Variants in UGT1A10 observed in about 807,000 individuals in gnomAD.
UGT1A10 encodes UDP-glucuronosyltransferase 1A10.
A neutral mutation model predicts 45.8 loss-of-function variants in UGT1A10; 49 were observed. The ratio of observed to expected loss-of-function variants is 1.07; its 90% CI spans 0.85 to 1.36. The LOEUF (loss-of-function observed/expected upper bound fraction) is 1.36. UGT1A10 is among the 40% of genes most tolerant of loss of function. UGT1A10 has a pLI of 0.00. For missense variants in UGT1A10, 745 were observed against 668.6 expected, an observed-to-expected ratio of 1.11 and a Z score of -1.26; for synonymous variants, 284 against 249.7, an observed-to-expected ratio of 1.14 and a Z score of -1.29.
Position 233,768,374 on chromosome 2 carries a change from G to T in UGT1A10, c.1230G>T (p.Leu410=). Residue 410 remains leucine, a synonymous_variant, in exon 4 of 5, where the codon CTG becomes CTT. Transcript: ENST00000344644. ...AGACTAAGGGAGCTGGAGTGACCCT[G>T]AATGTTCTGGAAATGACTTCTGAAG... ...RMETKGAGVT[L]NVLEMTSEDL... 3 of 1,614,148 alleles carry T rather than the reference G, an allele frequency of 1.9e-6. No individual in the cohort carries two copies. The highest frequency in any genetic ancestry group is 2.5e-6 in the Non-Finnish European group (3 of 1,180,028).
At chr2:233,680,794 A>G (rs2074498937) in intron 1 of UGT1A10, among the ~76,000 whole-genome samples, 1 of 152,178 alleles carries the variant, frequency 6.6e-6, no homozygotes, top group Non-Finnish European at 1.5e-5. Flanking sequence ...GGGTGGGCCC[A>G]TAGCAAAGGC....
At chr2:233,651,374 G>C (rs2073736940) in intron 1 of UGT1A10, among the ~76,000 whole-genome samples, 1 of 152,036 alleles carries the variant, frequency 6.6e-6, no homozygotes, top group African/African-American at 2.4e-5. Context: ...TATAAAATAG[G>C]AAACATATTG....
At chr2:233,768,989 C>A (rs947388091) in intron 4 of UGT1A10, among the ~76,000 whole-genome samples, 2 of 152,024 alleles carry the variant, frequency 1.3e-5, no homozygotes, top group African/African-American at 4.8e-5. Context: ...TTATTTCCCC[C>A]ATTAGATTTA....
chr2:233,676,001 T>C (rs766223840), intron 1 of UGT1A10, among the ~76,000 whole-genome samples: 1 of 152,218 alleles, frequency 6.6e-6, no homozygotes, highest in Non-Finnish European at 1.5e-5. Flanking sequence ...TGGAATAGAA[T>C]GGAGAATTCA....
At chr2:233,718,974 C>T (rs1346744859) in intron 1 of UGT1A10, 1 of 1,614,236 alleles carries the variant, frequency 6.2e-7, no homozygotes, top group South Asian at 1.1e-5. Flanking sequence ...GCGGGAGCTC[C>T]ATGCCAGAGG....
chr2:233,642,841 C>T (rs972607686), intron 1 of UGT1A10, among the ~76,000 whole-genome samples: 1 of 152,168 alleles, frequency 6.6e-6, no homozygotes, highest in Non-Finnish European at 1.5e-5. Context: ...CTCTTGCTTT[C>T]TTCCCTTACT....
At chr2:233,713,501 G>A (rs771192795) in intron 1 of UGT1A10, 5 of 1,613,952 alleles carry the variant, frequency 3.1e-6, no homozygotes, top group Admixed American at 1.7e-5. Context: ...TTCCTGCTGT[G>A]TTTTTCTTGA....
chr2:233,748,188 T>A (rs1575688597), intron 1 of UGT1A10: 1 of 1,565,216 alleles, frequency 6.4e-7, no homozygotes, highest in East Asian at 2.2e-5. Flanking sequence ...GTGCTTTTAT[T>A]TCTGCTTGTC....
rs2074241398 is a variant in UGT1A10, at chr2:233,672,778, C to T, written c.855+35401C>T. 1.2e-6 allele frequency: 2 copies of T among 1,613,412 alleles called. No individual in the cohort carries two copies. The highest frequency in any genetic ancestry group is 1.1e-5 in the South Asian group (1 of 91,010). On this transcript the variant is annotated intron_variant, in intron 1 of 4. Transcript: ENST00000344644. The stretch of plus-strand genomic sequence containing the variant: ...TGGTATCAACTGCCATCAGGGAAAG[C>T]CGTTGCCTATGGTAAGTTATCTCTC...
intron 1 of UGT1A10, among the ~76,000 whole-genome samples, chr2:233,744,866 G>A (rs1299036461): frequency 1.3e-4 from 20 of 151,914 alleles, no homozygotes; most frequent in Non-Finnish European, 1.5e-4. Context: ...TATTCTGAAG[G>A]GATTAGTTTA....
At chr2:233,684,894 G>A (rs2074708739) in intron 1 of UGT1A10, among the ~76,000 whole-genome samples, 2 of 152,122 alleles carry the variant, frequency 1.3e-5, no homozygotes, top group South Asian at 2.1e-4. Flanking sequence ...TCTTGGAAAA[G>A]TATACAGTTT....
intron 1 of UGT1A10, among the ~76,000 whole-genome samples, chr2:233,651,799 G>A (rs1050125473): frequency 5.3e-5 from 8 of 152,182 alleles, no homozygotes; most frequent in South Asian, 2.1e-4. Flanking sequence ...GTGTCCACGC[G>A]TGTTTGTGTG....
At chr2:233,736,477 G>A (rs565407070) in intron 1 of UGT1A10, among the ~76,000 whole-genome samples, 3 of 152,154 alleles carry the variant, frequency 2.0e-5, no homozygotes, top group African/African-American at 7.2e-5. Context: ...GCTTGGAGAG[G>A]TTTGTTACTA....
chr2:233,741,972 T>G (rs888756569), intron 1 of UGT1A10: 7 of 151,906 alleles, frequency 4.6e-5, no homozygotes, highest in African/African-American at 1.7e-4. Context: ...GTGTTTATGG[T>G]GCCTCACCCA....
chr2:233,729,217 GT>G, intron 1 of UGT1A10: 1 of 1,614,140 alleles, frequency 6.2e-7, no homozygotes, highest in Non-Finnish European at 8.5e-7. Context: ...GAGTGGAAAG[GT>G]GTTGGTGGTG....
chr2:233,733,052 A>G (rs1453570280), intron 1 of UGT1A10, among the ~76,000 whole-genome samples: 2 of 151,868 alleles, frequency 1.3e-5, no homozygotes, highest in African/African-American at 4.8e-5. Context: ...ATTCCTAGGT[A>G]TTTTATTCTC....
chr2:233,749,837 G>A (rs1453014378), intron 1 of UGT1A10, among the ~76,000 whole-genome samples: 4 of 151,982 alleles, frequency 2.6e-5, no homozygotes, highest in East Asian at 1.9e-4. Flanking sequence ...CATGTAAGAC[G>A]TGTCTTTGCC....
chr2:233,715,185 C>T (rs2125642752), intron 1 of UGT1A10, among the ~76,000 whole-genome samples: 1 of 152,280 alleles, frequency 6.6e-6, no homozygotes, highest in African/African-American at 2.4e-5. Context: ...CACACCTAGG[C>T]AATTTTTCTA....
chr2:233,763,174 C>A (rs528142938), intron 1 of UGT1A10, among the ~76,000 whole-genome samples: 1 of 152,302 alleles, frequency 6.6e-6, no homozygotes, highest in East Asian at 1.9e-4. Context: ...GTGTTGACTA[C>A]ATATTTGTTG....
Sources: gnomAD v4.1 joint callset for allele counts (sites outside exome capture counted in the v4.1 genomes callset) on GRCh38, gnomAD v4.1.1 for gene constraint, MANE v1.5 for transcripts, NCBI Gene and HGNC (gene_info 2026-07-23, HGNC 2026-07-21) for gene names.